Variants in TBC1D5 observed in about 807,000 individuals in gnomAD.
TBC1D5 encodes the protein TBC1 domain family member 5.
A neutral mutation model predicts 100.3 loss-of-function variants in TBC1D5; 75 were observed. That is an observed-to-expected ratio of 0.75 (90% CI 0.62 to 0.91). TBC1D5 has a LOEUF of 0.91. Among genes scored for constraint, TBC1D5 ranks in the 40% least tolerant of loss-of-function variants. The probability of loss-of-function intolerance (pLI) is 0.00; values close to 1 mark genes in which losing one functional copy is unlikely to be tolerated. For synonymous variants in TBC1D5, 323 were observed against 325.6 expected (o/e 0.99, Z 0.09); for missense variants, 910 against 942.4 (o/e 0.97, Z 0.45).
At chr3:17,332,816 T>C (rs2087059073) in intron 13 of TBC1D5, among the ~76,000 whole-genome samples, 1 of 151,942 alleles carries the variant, frequency 6.6e-6, no homozygotes. Flanking sequence ...TGAATGTGGT[T>C]AGGTGGAGTG....
rs371557781 is a variant in TBC1D5, at chr3:17,293,731, T to G, written c.1139-1730A>C. 8.1e-4 allele frequency among the ~76,000 whole-genome samples: 123 copies of G among 152,344 alleles called. 2 individuals carry two copies. The East Asian group carries it at 0.012, about 15-fold the overall frequency. ...CGTAGAGATAAACAAAACTGAGTCC[T>G]TACTCTGGAGAAAATTACAGCCCAG... On this transcript the variant is annotated intron_variant, in intron 14 of 21. Coordinates refer to ENST00000253692, the Ensembl canonical transcript of TBC1D5.
At chr3:17,700,715 A>G (rs1336522651) in intron 1 of TBC1D5, among the ~76,000 whole-genome samples, 12 of 152,234 alleles carry the variant, frequency 7.9e-5, no homozygotes. Flanking sequence ...CGCGGCCAAC[A>G]GACACGTGAA....
At chr3:17,523,348 T>G (rs182814682) in intron 2 of TBC1D5, among the ~76,000 whole-genome samples, 71 of 151,890 alleles carry the variant, frequency 4.7e-4, no homozygotes, top group African/African-American at 1.7e-3. Flanking sequence ...TCCTGGGAGG[T>G]AGAACACAAA....
intron 1 of TBC1D5, among the ~76,000 whole-genome samples, chr3:17,638,093 C>CT (rs1034297381): frequency 1.3e-5 from 2 of 151,720 alleles, no homozygotes; most frequent in African/African-American, 4.8e-5. Context: ...TATTCTTCTT[C>CT]TTTTTTTTAA....
chr3:17,699,569 CCAT>C (rs1199071430), intron 1 of TBC1D5, among the ~76,000 whole-genome samples: 1 of 125,760 alleles, frequency 8.0e-6, no homozygotes, highest in Non-Finnish European at 1.7e-5. Flanking sequence ...TTTAAAATTA[CCAT>C]AATAATTGAC....
intron 18 of TBC1D5, among the ~76,000 whole-genome samples, chr3:17,210,819 T>G (rs1403634748): frequency 6.6e-6 from 1 of 152,136 alleles, no homozygotes; most frequent in Admixed American, 6.5e-5. Context: ...TTTAAAAAAT[T>G]TCTGGGCCAG....
chr3:17,471,877 G>C lies in TBC1D5; in HGVS notation c.97+36597C>G, dbSNP rs1454400799. ...TTTAATTGATTTCCTTTCTACGACA[G>C]AGATAAAATGCACTGAATTACACAT... is the stretch of plus-strand genomic sequence containing the variant. On this transcript the variant is annotated intron_variant, in intron 3 of 21. Transcript: ENST00000253692. Among the ~76,000 whole-genome samples the C allele has an allele frequency of 2.0e-5, 3 of 152,100 alleles. No individual in the cohort carries two copies. In the East Asian group the frequency reaches 5.8e-4, roughly 29 times the overall value.
intron 1 of TBC1D5, among the ~76,000 whole-genome samples, chr3:17,708,352 T>C (rs2074383389): frequency 2.0e-5 from 3 of 152,230 alleles, no homozygotes; most frequent in African/African-American, 7.2e-5. Context: ...GCACATTTTA[T>C]TTATCCATTC....
intron 16 of TBC1D5, among the ~76,000 whole-genome samples, chr3:17,257,285 G>C (rs998354680): frequency 1.3e-5 from 2 of 152,136 alleles, no homozygotes; most frequent in East Asian, 3.9e-4. Flanking sequence ...CTAAATATCT[G>C]ACATAATGGG....
intron 2 of TBC1D5, among the ~76,000 whole-genome samples, chr3:17,622,324 G>C (rs908438424): frequency 3.3e-5 from 5 of 152,202 alleles, no homozygotes; most frequent in Admixed American, 2.0e-4. Flanking sequence ...CCATGACCAG[G>C]GGATTGGGGA....
chr3:17,518,328 G>A (rs1483561447), intron 2 of TBC1D5, among the ~76,000 whole-genome samples: 1 of 152,118 alleles, frequency 6.6e-6, no homozygotes, highest in Non-Finnish European at 1.5e-5. Flanking sequence ...TATAATATAG[G>A]ACACCCAGGA....
At chr3:17,333,070 C>G (rs2087099760) in intron 13 of TBC1D5, 1 of 152,174 alleles carries the variant, frequency 6.6e-6, no homozygotes, top group African/African-American at 2.4e-5. Context: ...TAATACAGTA[C>G]AGGGGTGGGT....
At chr3:17,721,014 AT>A in intron 1 of TBC1D5, among the ~76,000 whole-genome samples, 1 of 151,718 alleles carries the variant, frequency 6.6e-6, no homozygotes, top group East Asian at 1.9e-4. Flanking sequence ...TAATTTTTGT[AT>A]TTGTTAGTAG....
intron 8 of TBC1D5, among the ~76,000 whole-genome samples, chr3:17,402,508 TA>T (rs1400607546): frequency 3.3e-5 from 5 of 152,140 alleles, no homozygotes; most frequent in South Asian, 2.1e-4. Flanking sequence ...AAGAGATGAT[TA>T]CTATTATCCC....
chr3:17,372,274 T>A (rs544913063), intron 12 of TBC1D5, 27 bp from the exon 13 acceptor site: 2 of 1,561,704 alleles, frequency 1.3e-6, no homozygotes, highest in East Asian at 2.3e-5. Context: ...TGAACATGTA[T>A]TATTTAAATA....
intron 3 of TBC1D5, among the ~76,000 whole-genome samples, chr3:17,434,467 C>T (rs2094499807): frequency 6.6e-6 from 1 of 152,200 alleles, no homozygotes; most frequent in Non-Finnish European, 1.5e-5. Flanking sequence ...ACACTGGATT[C>T]TTTTAGTTAC....
intron 8 of TBC1D5, among the ~76,000 whole-genome samples, chr3:17,393,222 AT>A (rs2093408659): frequency 6.6e-6 from 1 of 151,986 alleles, no homozygotes; most frequent in Admixed American, 6.6e-5. Flanking sequence ...TTTCTTGTAA[AT>A]TTGTTTAAGT....
chr3:17,443,453 G>A (rs902195664), intron 3 of TBC1D5, among the ~76,000 whole-genome samples: 1 of 152,156 alleles, frequency 6.6e-6, no homozygotes, highest in Non-Finnish European at 1.5e-5. Context: ...ATCAACCAAT[G>A]AGAATTCCTA....
chr3:17,502,309 C>G (rs1329463227), intron 3 of TBC1D5, among the ~76,000 whole-genome samples: 1 of 149,858 alleles, frequency 6.7e-6, no homozygotes, highest in Non-Finnish European at 1.5e-5. Flanking sequence ...ACAACAATGA[C>G]TTTGTCCACT....
Sources: allele counts gnomAD v4.1 joint callset (sites outside exome capture counted in the v4.1 genomes callset), GRCh38; gene constraint gnomAD v4.1.1; transcripts MANE v1.5; gene names NCBI Gene and HGNC (gene_info 2026-07-23, HGNC 2026-07-21).